THBS1: variants seen among roughly 807,000 people sequenced by gnomAD.
The protein encoded by THBS1 is thrombospondin 1.
In THBS1, 29 loss-of-function variants were observed where a neutral mutation model predicts 126.1. That is an observed-to-expected ratio of 0.23 (90% CI 0.17 to 0.31). THBS1 has a LOEUF of 0.31. Ranked by LOEUF, THBS1 falls within the 10% of genes least tolerant of loss-of-function variation. The pLI is 1.00. For missense variants in THBS1, 1,198 were observed against 1,545.2 expected (o/e 0.78, Z 3.77); for synonymous variants, 496 against 577.8 (o/e 0.86, Z 2.03).
At chr15:39,581,439 G>T (rs1355439563) in intron 1 of THBS1, among the ~76,000 whole-genome samples, 1 of 152,056 alleles carries the variant, frequency 6.6e-6, no homozygotes, top group African/African-American at 2.4e-5. Context: ...AACTCATCAG[G>T]ACACCCCAAG....
chr15:39,588,058 C>G lies in THBS1; in HGVS notation c.1311C>G (p.Gly437=). The G allele has an allele frequency of 6.2e-7, 1 of 1,614,060 alleles. No individual in the cohort carries two copies. Among genetic ancestry groups the G allele is most frequent in the Non-Finnish European group, 8.5e-7 (1 of 1,179,938 alleles). The part of the protein sequence containing the change: ...ECDKRFKQDG[G]WSHWSPWSSC... ...GTACTTTAGTTAAACAGGATGGTGG[C>G]TGGAGCCACTGGTCCCCGTGGTCAT... Residue 437 remains glycine (G), a synonymous_variant, in exon 9 of 22, where the codon GGC becomes GGG. Coordinates refer to ENST00000260356, the MANE Select transcript of THBS1 (RefSeq NM_003246.4).
In THBS1 at chr15:39,593,107, C is replaced by T. The variant is rs796320749; in HGVS notation, c.2875C>T (p.Arg959Ter). 1.3e-6 allele frequency: 2 copies of T among 1,597,458 alleles called. No homozygotes were observed. Among genetic ancestry groups the T allele is most frequent in the Non-Finnish European group, 1.7e-6 (2 of 1,172,652 alleles). The change falls in exon 18 of 22, where the codon CGA (arginine) becomes TGA (stop). Residue 959 changes from arginine (R) to a stop codon, truncating the protein, a stop_gained. Coordinates refer to ENST00000260356, the MANE Select transcript of THBS1 (RefSeq NM_003246.4). LOFTEE classifies it high-confidence loss of function. The surrounding 1 kb of genome is among the most constrained non-coding windows in gnomAD (Gnocchi z 5.9). ...NVDISETDFRRFQMIPLDPKG... is the reference protein window; with the variant it reads ...NVDISETDFR ...TGACATCAGTGAGACCGATTTCCGC[C>T]GATTCCAGATGATTCCTCTGGACCC...
At position 39,592,955 on chromosome 15, in the gene THBS1, A is replaced by G. The variant is rs1566842067; in HGVS notation, c.2768-45A>G. 6.3e-7 allele frequency: 1 copy of G among 1,594,158 alleles called. No homozygotes were observed. Among genetic ancestry groups the G allele is most frequent in the East Asian group, 2.2e-5 (1 of 44,778 alleles). On this transcript the variant is annotated intron_variant, in intron 17 of 21. Coordinates refer to ENST00000260356, the MANE Select transcript of THBS1 (RefSeq NM_003246.4). This position sits in a 1 kb window ranked among gnomAD's most constrained non-coding sequence, Gnocchi z 4.3. ...GACATTTCTGACACCAGTAATAATA[A>G]TAGCACTTTAGAATTTTGCTGAACT...
In THBS1 at chr15:39,597,280, G is replaced by GTTTTTTTTTTTT; in HGVS notation, c.*1921_*1932dup. On this transcript the variant is annotated 3_prime_UTR_variant, in exon 22 of 22. Coordinates refer to ENST00000260356, the MANE Select transcript of THBS1 (RefSeq NM_003246.4). ...GTTGGTTTTTTCTTTTTTTTGTTTT[G>GTTTTTTTTTTTT]TTTTTTTTTTTTTTTTTTTTTGCTT... The GTTTTTTTTTTTT allele has an allele frequency of 4.4e-4, 21 of 48,054 alleles. No homozygotes were observed. The highest frequency in any genetic ancestry group is 5.5e-4 in the Non-Finnish European group (14 of 25,238). The allele number at this position is 48,054 out of a possible 1,614,324, so 3.0% of individuals were successfully genotyped here.
Position 39,595,441 on chromosome 15 carries a change from G to A in THBS1, c.*72G>A. On this transcript the variant is annotated 3_prime_UTR_variant, in exon 22 of 22. Transcript: ENST00000260356. ...TTGCACCTTCTGGAACTATGGGCTT[G>A]AGAAAACCCCCAGGATCACTTCTCC... 2 of 1,477,176 alleles carry A rather than the reference G, an allele frequency of 1.4e-6. No homozygotes were observed. The highest frequency in any genetic ancestry group is 2.3e-5 in the East Asian group (1 of 43,368). 91.5% of individuals were successfully genotyped at this position (1,477,176 alleles called of 1,614,324 possible). A position where few individuals can be genotyped will look rare whatever the true frequency, so the allele number is the denominator to read the frequency against.
At chr15:39,591,000 G>T in intron 14 of THBS1, 191 bp from the exon 15 acceptor site, 1 of 628,212 alleles carries the variant, frequency 1.6e-6, no homozygotes, top group South Asian at 2.2e-5. Context: ...TAACCCACAG[G>T]GATCCATTTT....
intron 7 of THBS1, 89 bp from the exon 8 acceptor site, chr15:39,587,257 TC>T: frequency 7.6e-7 from 1 of 1,323,294 alleles, no homozygotes; most frequent in Non-Finnish European, 1.0e-6. Flanking sequence ...CTTTTCACCC[TC>T]TGGCAAGTGG....
rs1890140092 is a variant in THBS1, at chr15:39,582,872, C to T, written c.627+120C>T. On this transcript the variant is annotated intron_variant, in intron 3 of 21. Transcript: ENST00000260356. ...GCAGCAGTTCTCAGATTTTAGGCAG[C>T]ATGAGCATCACCTGGAGGGCTTGTG... 4.4e-6 allele frequency: 5 copies of T among 1,148,730 alleles called. No homozygotes were observed. In the South Asian group the frequency reaches 6.5e-5, roughly 15 times the overall value. 71.2% of individuals were successfully genotyped at this position (1,148,730 alleles called of 1,614,324 possible). A position where few individuals can be genotyped will look rare whatever the true frequency, so the allele number is the denominator to read the frequency against.
At position 39,587,606 on chromosome 15, in the gene THBS1, A is replaced by C. The variant is rs1890233882; in HGVS notation, c.1294+86A>C. The C allele has an allele frequency of 8.1e-6, 11 of 1,360,240 alleles. No homozygotes were observed. In the South Asian group the frequency reaches 1.6e-4, roughly 20 times the overall value. 84.3% of individuals were successfully genotyped at this position (1,360,240 alleles called of 1,614,324 possible). A position where few individuals can be genotyped will look rare whatever the true frequency, so the allele number is the denominator to read the frequency against. ...GGGCAGCTCCACAGCATGTATATTA[A>C]GAACACGGGTTCTAGGATCTCTGGA... On this transcript the variant is annotated intron_variant, in intron 8 of 21. Transcript: ENST00000260356.
In THBS1 at chr15:39,582,335, G is replaced by A. The variant is rs1193412936; in HGVS notation, c.210G>A (p.Val70=). ...AGGATGCCAACCTGATCCCCCCTGT[G>A]CCTGATGACAAGTTCCAAGACCTGG... ...RIEDANLIPP[V]PDDKFQDLVD... Residue 70 remains valine (V), a synonymous_variant, in exon 3 of 22, where the codon GTG becomes GTA. Coordinates refer to ENST00000260356, the MANE Select transcript of THBS1 (RefSeq NM_003246.4). 5 of 1,614,182 alleles carry A rather than the reference G, an allele frequency of 3.1e-6. No individual in the cohort carries two copies.
chr15:39,595,168 C>T (rs957052115), intron 21 of THBS1, among the ~76,000 whole-genome samples, 194 bp from the exon 22 acceptor site: 7 of 152,180 alleles, frequency 4.6e-5, no homozygotes, highest in South Asian at 2.1e-4. Context: ...GGAAGGTTCA[C>T]GCTGTGTCGG....
At chr15:39,583,962 G>A in intron 4 of THBS1, 26 bp from the exon 5 acceptor site, 1 of 1,613,080 alleles carries the variant, frequency 6.2e-7, no homozygotes, top group Middle Eastern at 1.6e-4. Flanking sequence ...GTATCTATTT[G>A]AAGTTTTCAT....
At position 39,594,188 on chromosome 15, in the gene THBS1, T is replaced by C; in HGVS notation, c.3357T>C (p.Gly1119=). ...RWRLSHRPKT[G]FIRVVMYEGK... ...GTCTCAGCCACAGGCCAAAGACGGG[T>C]TTCATTAGGTACGATCATACTGATT... The change falls in exon 20 of 22, where the codon GGT becomes GGC. Residue 1119 remains glycine (G), a synonymous_variant. Transcript: ENST00000260356. The surrounding 1 kb of genome is among the most constrained non-coding windows in gnomAD (Gnocchi z 4.4). The C allele has an allele frequency of 6.2e-7, 1 of 1,614,094 alleles. No homozygotes were observed. Among genetic ancestry groups the C allele is most frequent in the Non-Finnish European group, 8.5e-7 (1 of 1,180,004 alleles).
intron 1 of THBS1, chr15:39,581,571 T>C (rs1890103205): frequency 2.5e-6 from 1 of 393,138 alleles, no homozygotes; most frequent in South Asian, 4.4e-5. Flanking sequence ...CACCTTCGAC[T>C]TCCCAAAAGC....
intron 4 of THBS1, 39 bp downstream of exon 4, chr15:39,583,731 G>C (rs200065465): frequency 6.3e-7 from 1 of 1,586,978 alleles, no homozygotes; most frequent in African/African-American, 1.4e-5. Context: ...TAGGGAATCA[G>C]GGGGAATTCC....
At chr15:39,591,661 C>A in intron 16 of THBS1, 38 bp downstream of exon 16, 1 of 1,552,594 alleles carries the variant, frequency 6.4e-7, no homozygotes, top group Non-Finnish European at 8.9e-7. Flanking sequence ...TTTCAGTAAA[C>A]TGTTGGAATA....
chr15:39,585,452 C>T lies in THBS1; in HGVS notation c.1027-18C>T, dbSNP rs773668661. On this transcript the variant is annotated intron_variant, in intron 6 of 21. Transcript: ENST00000260356. The stretch of plus-strand genomic sequence containing the variant: ...CATGCTCAGCAGCCTGTTCCCCTCT[C>T]ACTCTCTTGCCCTGCAGAACTCAGT... The T allele has an allele frequency of 7.4e-6, 12 of 1,611,800 alleles. No individual in the cohort carries two copies. Among genetic ancestry groups the T allele is most frequent in the East Asian group, 2.2e-5 (1 of 44,884 alleles).
chr15:39,583,566 ATCCCC>A, intron 3 of THBS1, 46 bp from the exon 4 acceptor site: 2 of 716,628 alleles, frequency 2.8e-6, no homozygotes, highest in Non-Finnish European at 4.9e-6. Context: ...CCCCAACCCC[ATCCCC>A]ACCCCGCTCT....
chr15:39,589,304 G>A lies in THBS1; in HGVS notation c.1876G>A (p.Gly626Ser), dbSNP rs752779534. ...CCTGCCCTGCCCCCCACGCTTCACC[G>A]GCTCACAGCCCTTCGGCCAGGGTGT... ...NCLPCPPRFT[G>S]SQPFGQGVEH... Residue 626 changes from glycine to serine, a missense_variant, in exon 12 of 22, where the codon GGC (glycine) becomes AGC (serine). Coordinates refer to ENST00000260356, the MANE Select transcript of THBS1 (RefSeq NM_003246.4). This position sits in a 1 kb window ranked among gnomAD's most constrained non-coding sequence, Gnocchi z 4.7. 8 of 1,613,960 alleles carry A rather than the reference G, an allele frequency of 5.0e-6. No individual in the cohort carries two copies. Among genetic ancestry groups the A allele is most frequent in the African/African-American group, 1.3e-5 (1 of 74,904 alleles).
Sources: gnomAD v4.1 joint callset for allele counts (sites outside exome capture counted in the v4.1 genomes callset) on GRCh38, gnomAD v4.1.1 for gene constraint, Gnocchi (gnomAD v3.1) non-coding constraint, MANE v1.5 for transcripts, NCBI Gene and HGNC (gene_info 2026-07-23, HGNC 2026-07-21) for gene names.